METTL9: variants seen among roughly 807,000 people sequenced by gnomAD.
METTL9 encodes the protein protein-L-histidine N-pros-methyltransferase.
In METTL9, 10 loss-of-function variants were observed where a neutral mutation model predicts 36.0. The observed-to-expected ratio is 0.28, with a 90% CI of 0.17 to 0.47. The LOEUF (loss-of-function observed/expected upper bound fraction) is 0.47, where lower values mean the gene tolerates loss of function less well. METTL9 is among the 20% of genes least tolerant of loss of function. METTL9 has a pLI of 0.99. For missense variants in METTL9, 246 were observed against 383.5 expected (o/e 0.64, Z 3.00); for synonymous variants, 175 against 149.7 (o/e 1.17, Z -1.23).
chr16:21,638,610 A>AT (rs1245001529), intron 4 of METTL9, among the ~76,000 whole-genome samples: 2 of 152,220 alleles, frequency 1.3e-5, no homozygotes, highest in African/African-American at 4.8e-5. Context: ...AGTACACAAT[A>AT]TAGATAGAAA....
chr16:21,641,387 C>G, intron 4 of METTL9: 1 of 471,450 alleles, frequency 2.1e-6, no homozygotes, highest in Non-Finnish European at 3.8e-6. Context: ...GTTATAGTTT[C>G]CTTACATTCT....
chr16:21,599,899 G>A lies in METTL9; in HGVS notation c.165+1G>A. 1.4e-6 allele frequency: 2 copies of A among 1,443,614 alleles called. No homozygotes were observed. Among genetic ancestry groups the A allele is most frequent in the Non-Finnish European group, 1.8e-6 (2 of 1,099,636 alleles). The allele number at this position is 1,443,614 out of a possible 1,614,324, so 89.4% of individuals were successfully genotyped here. On this transcript the variant is annotated splice_donor_variant, in intron 1 of 4. Coordinates refer to ENST00000358154, the MANE Select transcript of METTL9 (RefSeq NM_016025.5). LOFTEE classifies it high-confidence loss of function. The surrounding 1 kb of genome is among the most constrained non-coding windows in gnomAD (Gnocchi z 4.4). ...GGGCGGCAGGAAGGAGAACCACCAG[G>A]TACGGGCTGGGGCCGGGGCCGGGGC...
chr16:21,615,520 T>TG (rs1360658841), intron 2 of METTL9, among the ~76,000 whole-genome samples: 8 of 152,266 alleles, frequency 5.3e-5, no homozygotes, highest in Middle Eastern at 3.4e-3. Context: ...TGAGCCACCA[T>TG]GCCCAGCCTC....
chr16:21,621,125 A>G (rs1201531167), intron 3 of METTL9, among the ~76,000 whole-genome samples: 1 of 151,828 alleles, frequency 6.6e-6, no homozygotes. Context: ...GCCTGCTACC[A>G]TATCTGGCTA....
chr16:21,641,585 A>T (rs143990839), intron 4 of METTL9: 1 of 1,574,568 alleles, frequency 6.4e-7, no homozygotes, highest in Non-Finnish European at 8.7e-7. Flanking sequence ...AAGTGTTGTT[A>T]TCTTTCTCCT....
chr16:21,646,470 A>G (rs1394785689), intron 4 of METTL9: 1 of 157,534 alleles, frequency 6.3e-6, no homozygotes. Flanking sequence ...GCATTACCAG[A>G]CTAGTTCCTG....
At chr16:21,597,278 G>C (rs1351913155), upstream of METTL9, 1 of 1,289,044 alleles carries the variant, frequency 7.8e-7, no homozygotes, top group South Asian at 1.2e-5. Context: ...ACCACGAGCT[G>C]GGATACCAAG....
At chr16:21,612,871 C>A in intron 2 of METTL9, 36 bp downstream of exon 2, 1 of 1,508,106 alleles carries the variant, frequency 6.6e-7, no homozygotes, top group South Asian at 1.3e-5. Flanking sequence ...TTTTCTTTAT[C>A]CTTAGGTTTA....
intron 3 of METTL9, among the ~76,000 whole-genome samples, chr16:21,620,167 T>A (rs1965659804): frequency 6.6e-6 from 1 of 152,172 alleles, no homozygotes; most frequent in Non-Finnish European, 1.5e-5. Context: ...CTTGAACTGT[T>A]TAAGTCCTTA....
chr16:21,638,825 G>A (rs1966173745), intron 4 of METTL9, among the ~76,000 whole-genome samples: 1 of 152,120 alleles, frequency 6.6e-6, no homozygotes, highest in Non-Finnish European at 1.5e-5. Context: ...GTGTGGGGGT[G>A]GAGCAAGTTC....
chr16:21,635,423 G>A (rs1966064321), intron 4 of METTL9, among the ~76,000 whole-genome samples: 1 of 152,010 alleles, frequency 6.6e-6, no homozygotes, highest in Admixed American at 6.6e-5. Context: ...GGATATGGGG[G>A]GTAAGCTGAG....
chr16:21,609,310 T>G (rs1212027113), intron 1 of METTL9, among the ~76,000 whole-genome samples: 1 of 152,178 alleles, frequency 6.6e-6, no homozygotes, highest in Non-Finnish European at 1.5e-5. Context: ...TGAACATTTA[T>G]TGTTTGTCTG....
chr16:21,635,435 G>A (rs756875822), intron 4 of METTL9, among the ~76,000 whole-genome samples: 5 of 152,184 alleles, frequency 3.3e-5, no homozygotes, highest in Non-Finnish European at 5.9e-5. Context: ...TAAGCTGAGC[G>A]GTCCTCCTGT....
intron 1 of METTL9, chr16:21,611,994 T>A (rs1965436577): frequency 6.6e-6 from 1 of 152,192 alleles, no homozygotes; most frequent in Non-Finnish European, 1.5e-5. Context: ...TTAAGTAACT[T>A]CTTAATCTTT....
At chr16:21,604,506 G>C (rs1965220403) in intron 1 of METTL9, among the ~76,000 whole-genome samples, 1 of 152,096 alleles carries the variant, frequency 6.6e-6, no homozygotes, top group Non-Finnish European at 1.5e-5. Flanking sequence ...CATTTAATCT[G>C]TTTTAATTGA....
intron 4 of METTL9, among the ~76,000 whole-genome samples, chr16:21,628,892 CTTTTTT>C (rs35688864): frequency 2.3e-5 from 3 of 130,048 alleles, no homozygotes; most frequent in African/African-American, 8.6e-5. Context: ...TGAGATGTTT[CTTTTTT>C]TTTTTTTTGG....
chr16:21,647,281 C>A, intron 4 of METTL9: 1 of 1,614,150 alleles, frequency 6.2e-7, no homozygotes, highest in Non-Finnish European at 8.5e-7. Flanking sequence ...TGAGGGCCTC[C>A]CTCACTGTGA....
intron 4 of METTL9, among the ~76,000 whole-genome samples, chr16:21,645,958 T>TTATA (rs1317082904): frequency 3.3e-5 from 5 of 152,166 alleles, no homozygotes; most frequent in African/African-American, 1.2e-4. Flanking sequence ...AAAGCACAGG[T>TTATA]TATAATACTG....
intron 4 of METTL9, among the ~76,000 whole-genome samples, chr16:21,651,334 G>T (rs1302227486): frequency 6.6e-6 from 1 of 152,064 alleles, no homozygotes; most frequent in African/African-American, 2.4e-5. Flanking sequence ...TTGCTCTGTT[G>T]CCCAGGCTGG....
Sources: allele counts gnomAD v4.1 joint callset (sites outside exome capture counted in the v4.1 genomes callset), GRCh38; gene constraint gnomAD v4.1.1; non-coding constraint Gnocchi (gnomAD v3.1); transcripts MANE v1.5; gene names NCBI Gene and HGNC (gene_info 2026-07-23, HGNC 2026-07-21).